The following TRPA1 variants were observed in gnomAD, a reference collection of about 807,000 sequenced individuals.
TRPA1 encodes transient receptor potential cation channel subfamily A member 1, also known as ankyrin-like with transmembrane domains 1.
TRPA1 carries 129 observed loss-of-function variants against 131.3 expected under a neutral mutation model. The ratio of observed to expected loss-of-function variants is 0.98; its 90% CI spans 0.85 to 1.14. The LOEUF (loss-of-function observed/expected upper bound fraction) is 1.14. Ranked by LOEUF, TRPA1 falls within the 50% of genes most tolerant of loss-of-function variation. The pLI is 0.00. For missense variants in TRPA1, 1,304 were observed against 1,354.2 expected, an observed-to-expected ratio of 0.96 and a Z score of 0.58; for synonymous variants, 441 against 451.7, an observed-to-expected ratio of 0.98 and a Z score of 0.30.
chr8:72,042,028 A>G (rs78477423), intron 17 of TRPA1, among the ~76,000 whole-genome samples: 2,220 of 152,034 alleles, frequency 0.015, 72 homozygotes, highest in African/African-American at 0.05. Flanking sequence ...ACAGGCAACT[A>G]AAGCAAAAGC....
intron 4 of TRPA1, among the ~76,000 whole-genome samples, chr8:72,064,252 TTA>T (rs1025427356): frequency 2.8e-5 from 3 of 107,910 alleles, no homozygotes; most frequent in African/African-American, 7.5e-5. Context: ...AGTCCAGAAA[TTA>T]TATATATATA....
At chr8:72,076,728 C>T (rs914869669), upstream of TRPA1, 2 of 152,228 alleles carry the variant, frequency 1.3e-5, no homozygotes, top group African/African-American at 4.8e-5. Flanking sequence ...CCCCCTAAAT[C>T]TTCCAATGGA....
At position 72,036,348 on chromosome 8, in the gene TRPA1, C is replaced by T. The variant is rs1812050624; in HGVS notation, c.2495G>A (p.Trp832Ter). 6.2e-7 allele frequency: 1 copy of T among 1,614,102 alleles called. No individual in the cohort carries two copies. The highest frequency in any genetic ancestry group is 8.5e-7 in the Non-Finnish European group (1 of 1,179,994). ...LFVEIPAHLQWQCGAIAVYFY... is the reference protein window; with the variant it reads ...LFVEIPAHLQ Reference sequence around the variant, plus strand: ...GTAAACAGCAATTGCTCCACATTGCCACTGCAGATGAGCTGGTATTTCAAC... The same window carrying T: ...GTAAACAGCAATTGCTCCACATTGCTACTGCAGATGAGCTGGTATTTCAAC... Residue 832 changes from tryptophan (W) to a stop codon, truncating the protein, a stop_gained, in exon 21 of 27, where the codon TGG (tryptophan) becomes TAG (stop). Coordinates refer to ENST00000262209, the MANE Select transcript of TRPA1 (RefSeq NM_007332.3). LOFTEE classifies it high-confidence loss of function.
In TRPA1 at chr8:72,057,782, C is replaced by T. The variant is rs538655808; in HGVS notation, c.1028G>A (p.Arg343His). 1.1e-4 allele frequency: 180 copies of T among 1,613,728 alleles called. No individual in the cohort carries two copies. Among genetic ancestry groups the T allele is most frequent in the Non-Finnish European group, 1.4e-4 (164 of 1,179,800 alleles). The change falls in exon 9 of 27, where the codon CGC becomes CAC. Residue 343 changes from arginine (R) to histidine (H), a missense_variant. Transcript: ENST00000262209. ...AGCAGTTGCTAATATAAGTGGAGAG[C>T]GTCCTTCAGAATCGATCTTATTAAT... The part of the protein sequence containing the change: ...ADINKIDSEG[R>H]SPLILATASA...
At chr8:72,050,643 A>G in intron 15 of TRPA1, 135 bp downstream of exon 15, 1 of 659,894 alleles carries the variant, frequency 1.5e-6, no homozygotes. Flanking sequence ...TTAAATAGTT[A>G]TTGTCTCATT....
rs61753713 is a variant in TRPA1 at position 72,069,140 on chromosome 8, G to A, written c.327C>T (p.Asn109=). 1 of 1,614,124 alleles carries A rather than the reference G, an allele frequency of 6.2e-7. No individual in the cohort carries two copies. Among genetic ancestry groups the A allele is most frequent in the Non-Finnish European group, 8.5e-7 (1 of 1,180,010 alleles). Residue 109 remains asparagine (N), a synonymous_variant, in exon 3 of 27, where the codon AAC becomes AAT. Transcript: ENST00000262209. ...NTPLHCAVEK[N]QIESVKFLLS... ...GAAGAAACTTAACGCTTTCAATTTG[G>A]TTTTTTTCTACAGCACAATGCAGAG...
chr8:72,059,668 A>G (rs1207370173), intron 7 of TRPA1, among the ~76,000 whole-genome samples: 1 of 152,228 alleles, frequency 6.6e-6, no homozygotes, highest in Non-Finnish European at 1.5e-5. Context: ...TTTCTTCCTC[A>G]TCCTTTAAGA....
At chr8:72,047,045 A>G (rs1428863775) in intron 16 of TRPA1, 103 bp downstream of exon 16, 12 of 867,390 alleles carry the variant, frequency 1.4e-5, no homozygotes, top group Non-Finnish European at 2.2e-5. Context: ...TTAGATCAAT[A>G]CCATCTGCAG....
chr8:72,038,001 C>T lies in TRPA1; in HGVS notation c.2367G>A (p.Ala789=), dbSNP rs369498084. 1.3e-5 allele frequency: 20 copies of T among 1,599,474 alleles called. No individual in the cohort carries two copies. Among genetic ancestry groups the T allele is most frequent in the Middle Eastern group, 1.7e-4 (1 of 6,048 alleles). ...TACATACCTGTTGGAAAATTTGCCC[C>T]GCTTCTTTGCAATACCCAAATATAC... The part of the protein sequence containing the change: ...LSSIFGYCKE[A]GQIFQQKRNY... Residue 789 remains alanine (A), a synonymous_variant, in exon 20 of 27, where the codon GCG becomes GCA. Coordinates refer to ENST00000262209, the MANE Select transcript of TRPA1 (RefSeq NM_007332.3).
At chr8:72,082,970 C>T in the TRPA1 span, among the ~76,000 whole-genome samples, 1 of 151,688 alleles carries the variant, frequency 6.6e-6, no homozygotes, top group East Asian at 1.9e-4. Flanking sequence ...GTCCATGTTT[C>T]TGTTCAATAT....
At chr8:72,031,597 AAAAAAAAC>A (rs1333208625) in intron 23 of TRPA1, among the ~76,000 whole-genome samples, 3 of 151,644 alleles carry the variant, frequency 2.0e-5, no homozygotes, top group Admixed American at 6.6e-5. Flanking sequence ...AAAAAAACAA[AAAAAAAAC>A]AAAAAAACAA....
the TRPA1 span, among the ~76,000 whole-genome samples, chr8:72,080,687 CTT>C: frequency 6.6e-6 from 1 of 151,524 alleles, no homozygotes. Flanking sequence ...CAGTGCAGGC[CTT>C]TGGGAAGATA....
At position 72,061,756 on chromosome 8, in the gene TRPA1, T is replaced by G; in HGVS notation, c.813A>C (p.Gly271=). ...CAGCAAAATGAATGGCTGTGCACCT[T>G]CCCTTCTGTAAAGGGTTTTAATGCT... ...NGAQIDPVEK[G]RCTAIHFAAT... is the part of the protein sequence containing the mutation. The change falls in exon 7 of 27, where the codon GGA becomes GGC. Residue 271 remains glycine (G), a synonymous_variant. Transcript: ENST00000262209. 6.2e-7 allele frequency: 1 copy of G among 1,613,978 alleles called. No individual in the cohort carries two copies. Among genetic ancestry groups the G allele is most frequent in the Non-Finnish European group, 8.5e-7 (1 of 1,179,888 alleles).
intron 10 of TRPA1, 123 bp from the exon 11 acceptor site, chr8:72,055,978 T>C (rs1030032275): frequency 7.9e-6 from 6 of 756,066 alleles, no homozygotes; most frequent in South Asian, 1.6e-5. Flanking sequence ...GGGGCCAAAA[T>C]TGTAAATAAC....
intron 17 of TRPA1, among the ~76,000 whole-genome samples, chr8:72,040,619 C>G (rs530777412): frequency 7.2e-5 from 11 of 152,124 alleles, no homozygotes; most frequent in African/African-American, 1.9e-4. Flanking sequence ...AGGGGCTGCC[C>G]AAGGGAATGA....
rs1812051366 is a variant in TRPA1, at chr8:72,036,358, G to A, written c.2485C>T (p.His829Tyr). ...VLPLFVEIPA[H>Y]LQWQCGAIAV... ...ATTGCTCCACATTGCCACTGCAGAT[G>A]AGCTGGTATTTCAACAAACAAGGGC... is the stretch of plus-strand genomic sequence containing the variant. Residue 829 changes from histidine to tyrosine, a missense_variant, in exon 21 of 27, where the codon CAT (histidine) becomes TAT (tyrosine). Physicochemically the swap from His to Tyr is moderately conservative, Grantham distance 83 (BLOSUM62 2). Coordinates refer to ENST00000262209, the MANE Select transcript of TRPA1 (RefSeq NM_007332.3). 2.5e-6 allele frequency: 4 copies of A among 1,614,144 alleles called. No individual in the cohort carries two copies. The highest frequency in any genetic ancestry group is 1.6e-4 in the Middle Eastern group (1 of 6,062).
At chr8:72,044,186 T>C (rs564239821) in intron 17 of TRPA1, among the ~76,000 whole-genome samples, 4 of 151,146 alleles carry the variant, frequency 2.6e-5, no homozygotes, top group Non-Finnish European at 5.9e-5. Context: ...CCCGAAAAGC[T>C]ATATATCTAG....
intron 23 of TRPA1, among the ~76,000 whole-genome samples, chr8:72,031,536 C>G (rs1193747059): frequency 2.0e-5 from 3 of 151,648 alleles, no homozygotes; most frequent in Non-Finnish European, 4.4e-5. Context: ...CATGATCACT[C>G]CACTGCACTC....
the TRPA1 span, among the ~76,000 whole-genome samples, chr8:72,089,218 T>A: frequency 6.6e-6 from 1 of 152,154 alleles, no homozygotes; most frequent in Non-Finnish European, 1.5e-5. Context: ...GTTTCCGTGA[T>A]ATCTGCCAGT....
Sources: allele counts gnomAD v4.1 joint callset (sites outside exome capture counted in the v4.1 genomes callset), GRCh38; gene constraint gnomAD v4.1.1; transcripts MANE v1.5; gene names NCBI Gene and HGNC (gene_info 2026-07-23, HGNC 2026-07-21).